CENPU: variants seen among roughly 807,000 people sequenced by gnomAD.
CENPU encodes KSHV latent nuclear antigen interacting protein 1.
A neutral mutation model predicts 56.7 loss-of-function variants in CENPU; 46 were observed. The observed-to-expected ratio is 0.81, with a 90% CI of 0.64 to 1.04. The LOEUF is 1.04. Among genes scored for constraint, CENPU ranks in the 50% least tolerant of loss-of-function variants. The pLI, the probability that CENPU is intolerant of heterozygous loss-of-function variation, is 0.00. For synonymous variants in CENPU, 166 were observed against 163.0 expected, an observed-to-expected ratio of 1.02 and a Z score of -0.14; for missense variants, 510 against 490.1, an observed-to-expected ratio of 1.04 and a Z score of -0.38.
chr4:184,701,183 G>T (rs1760522978), intron 10 of CENPU, among the ~76,000 whole-genome samples: 1 of 152,172 alleles, frequency 6.6e-6, no homozygotes, highest in African/African-American at 2.4e-5. Flanking sequence ...AAAGTGAGGA[G>T]ATTTTATCTA....
In CENPU at chr4:184,716,474, C is replaced by T. The variant is rs1353774768; in HGVS notation, c.541G>A (p.Val181Ile). The change falls in exon 6 of 13, where the codon GTC becomes ATC. Residue 181 changes from valine (V) to isoleucine (I), a missense_variant. By Grantham distance (29) the Val-to-Ile change is conservative (BLOSUM62 3). Coordinates refer to ENST00000281453, the MANE Select transcript of CENPU (RefSeq NM_024629.4). ...AGGGGTCCTGTCTTTTTAGAAGTGA[C>T]AGACTCAGCTGGTTTCTCTGAAAGT... Reference protein sequence around the residue: ...SELSEKPAESVTSKKTGPLSA... With the variant: ...SELSEKPAESITSKKTGPLSA... The T allele has an allele frequency of 1.2e-6, 2 of 1,614,162 alleles. No homozygotes were observed. The highest frequency in any genetic ancestry group is 1.7e-6 in the Non-Finnish European group (2 of 1,180,026).
At chr4:184,705,499 C>T (rs1337794532) in intron 8 of CENPU, among the ~76,000 whole-genome samples, 1 of 152,026 alleles carries the variant, frequency 6.6e-6, no homozygotes, top group East Asian at 1.9e-4. Context: ...ATACACAAAC[C>T]TATGCATATG....
intron 12 of CENPU, among the ~76,000 whole-genome samples, chr4:184,696,059 G>GTGCA (rs1358129881): frequency 8.5e-5 from 13 of 152,078 alleles, no homozygotes; most frequent in African/African-American, 3.1e-4. Flanking sequence ...GTATCTAAGG[G>GTGCA]TGCATGATTA....
At chr4:184,720,643 GAAAT>G (rs1761244202) in intron 4 of CENPU, among the ~76,000 whole-genome samples, 1 of 152,056 alleles carries the variant, frequency 6.6e-6, no homozygotes, top group African/African-American at 2.4e-5. Flanking sequence ...CAAGAGAAAA[GAAAT>G]AAATAACTTA....
At chr4:184,703,063 C>T (rs1438485152) in intron 8 of CENPU, among the ~76,000 whole-genome samples, 1 of 151,894 alleles carries the variant, frequency 6.6e-6, no homozygotes, top group Non-Finnish European at 1.5e-5. Flanking sequence ...ACTAAGATGG[C>T]AATGTTCAGC....
At chr4:184,727,047 T>C (rs11944028) in intron 3 of CENPU, among the ~76,000 whole-genome samples, 23,720 of 134,950 alleles carry the variant, frequency 0.18, 3,284 homozygotes, top group East Asian at 0.71. Context: ...ACCCAGGAGG[T>C]GGAGGTTGCA....
At chr4:184,708,728 T>A (rs1021844078) in intron 8 of CENPU, among the ~76,000 whole-genome samples, 1 of 152,156 alleles carries the variant, frequency 6.6e-6, no homozygotes, top group Non-Finnish European at 1.5e-5. Context: ...AAGGGTATAA[T>A]CAAAATAATC....
intron 4 of CENPU, among the ~76,000 whole-genome samples, chr4:184,718,060 G>T (rs1761151833): frequency 6.6e-6 from 1 of 152,198 alleles, no homozygotes; most frequent in African/African-American, 2.4e-5. Context: ...CACCCACATA[G>T]GCATGCTGCA....
At chr4:184,709,210 C>T (rs781078902) in intron 8 of CENPU, among the ~76,000 whole-genome samples, 32 of 151,982 alleles carry the variant, frequency 2.1e-4, no homozygotes, top group African/African-American at 6.3e-4. Flanking sequence ...AAAATCTGGC[C>T]GGGTGCAGTG....
intron 7 of CENPU, among the ~76,000 whole-genome samples, chr4:184,711,000 T>C (rs913678399): frequency 1.3e-5 from 2 of 152,074 alleles, no homozygotes; most frequent in Non-Finnish European, 2.9e-5. Context: ...GGACTACAAG[T>C]GTACGCCACT....
At chr4:184,727,296 T>C (rs1342602388) in intron 3 of CENPU, among the ~76,000 whole-genome samples, 3 of 152,030 alleles carry the variant, frequency 2.0e-5, no homozygotes, top group Non-Finnish European at 4.4e-5. Flanking sequence ...GAATGGGAAG[T>C]TGTTTAATAG....
chr4:184,697,764 A>T lies in CENPU; in HGVS notation c.1026T>A (p.Asp342Glu), dbSNP rs1367822411. The T allele has an allele frequency of 6.2e-7, 1 of 1,610,174 alleles. No individual in the cohort carries two copies. Among genetic ancestry groups the T allele is most frequent in the Non-Finnish European group, 8.5e-7 (1 of 1,179,124 alleles). ...GGGAAGACTTTCTCTCTTTAAGTTCATCATATTTTGTTTGTAGTTGTTTCA... is the reference window on the plus strand; with the variant it reads ...GGGAAGACTTTCTCTCTTTAAGTTCTTCATATTTTGTTTGTAGTTGTTTCA... Reference protein sequence around the residue: ...PQLKQLQTKYDELKERKSSLR... With the variant: ...PQLKQLQTKYEELKERKSSLR... Residue 342 changes from aspartate (D) to glutamate (E), a missense_variant, in exon 12 of 13, where the codon GAT (aspartate) becomes GAA (glutamate). Coordinates refer to ENST00000281453, the MANE Select transcript of CENPU (RefSeq NM_024629.4).
intron 4 of CENPU, among the ~76,000 whole-genome samples, chr4:184,722,700 CA>C (rs1348601239): frequency 7.1e-6 from 1 of 140,732 alleles, no homozygotes; most frequent in Non-Finnish European, 1.5e-5. Flanking sequence ...AAAAACAAAA[CA>C]AAACAAAACA....
intron 4 of CENPU, among the ~76,000 whole-genome samples, chr4:184,719,658 T>G (rs568682157): frequency 8.6e-4 from 131 of 152,232 alleles, no homozygotes; most frequent in African/African-American, 2.9e-3. Context: ...AGACACCAAC[T>G]GGTGTGGCTA....
intron 6 of CENPU, among the ~76,000 whole-genome samples, chr4:184,715,523 G>A (rs1489276763): frequency 6.6e-6 from 1 of 152,152 alleles, no homozygotes; most frequent in Non-Finnish European, 1.5e-5. Flanking sequence ...ATGTTGGCCA[G>A]GCTGGTCTCG....
chr4:184,727,331 T>C (rs1356500859), intron 3 of CENPU, among the ~76,000 whole-genome samples: 1 of 152,122 alleles, frequency 6.6e-6, no homozygotes, highest in Non-Finnish European at 1.5e-5. Context: ...TTAGGAAAGA[T>C]GAAAAAGTTC....
At position 184,694,675 on chromosome 4, in the gene CENPU, G is replaced by A; in HGVS notation, c.*613C>T. ...TGATGCTTATTTTTTAGAAGCTACT[G>A]AAGATGCTGAATTAGCTGAAGCTGC... is the stretch of plus-strand genomic sequence containing the variant. On this transcript the variant is annotated 3_prime_UTR_variant, in exon 13 of 13. Transcript: ENST00000281453. 6 of 1,614,128 alleles carry A rather than the reference G, an allele frequency of 3.7e-6. No homozygotes were observed. The highest frequency in any genetic ancestry group is 4.2e-6 in the Non-Finnish European group (5 of 1,179,976).
chr4:184,729,727 T>A (rs1406864163), intron 2 of CENPU, among the ~76,000 whole-genome samples: 2 of 152,162 alleles, frequency 1.3e-5, no homozygotes, highest in Non-Finnish European at 2.9e-5. Flanking sequence ...TAAACAGTTT[T>A]AAGGGTACAC....
At chr4:184,733,598 A>T (rs34877810) in intron 1 of CENPU, among the ~76,000 whole-genome samples, 6,333 of 152,348 alleles carry the variant, frequency 0.042, 230 homozygotes, top group Non-Finnish European at 0.065. Context: ...TGTGGTTTGC[A>T]GTAAGAAAAC....
Sources: gnomAD v4.1 joint callset for allele counts (sites outside exome capture counted in the v4.1 genomes callset) on GRCh38, gnomAD v4.1.1 for gene constraint, MANE v1.5 for transcripts, NCBI Gene and HGNC (gene_info 2026-07-23, HGNC 2026-07-21) for gene names.